Variants in SHISA9 observed in about 807,000 individuals in gnomAD.
SHISA9 encodes shisa family member 9.
In SHISA9, 13 loss-of-function variants were observed where a neutral mutation model predicts 38.0. That is an observed-to-expected ratio of 0.34 (90% CI 0.22 to 0.54). The LOEUF is 0.54. Ranked by LOEUF, SHISA9 falls within the 20% of genes least tolerant of loss-of-function variation. The pLI is 0.91. For missense variants in SHISA9, 538 were observed against 575.8 expected, an observed-to-expected ratio of 0.93 and a Z score of 0.67; for synonymous variants, 275 against 242.0, an observed-to-expected ratio of 1.14 and a Z score of -1.27.
chr16:13,158,073 T>C (rs1436823009), intron 2 of SHISA9, among the ~76,000 whole-genome samples: 1 of 152,192 alleles, frequency 6.6e-6, no homozygotes, highest in Non-Finnish European at 1.5e-5. Flanking sequence ...AACCGGAACC[T>C]TGGGGCCAGA....
intron 2 of SHISA9, among the ~76,000 whole-genome samples, chr16:12,975,002 C>A (rs181453045): frequency 6.6e-6 from 1 of 152,130 alleles, no homozygotes; most frequent in African/African-American, 2.4e-5. Context: ...TGTTAACCTA[C>A]ATGCACAATA....
intron 2 of SHISA9, among the ~76,000 whole-genome samples, chr16:13,067,147 G>T (rs1310163359): frequency 6.6e-6 from 1 of 152,210 alleles, no homozygotes; most frequent in East Asian, 1.9e-4. Flanking sequence ...ACCTTGAAGA[G>T]ACAGAGTGCA....
At chr16:13,381,984 G>T in the SHISA9 span, among the ~76,000 whole-genome samples, 4 of 152,088 alleles carry the variant, frequency 2.6e-5, no homozygotes, top group Non-Finnish European at 5.9e-5. Flanking sequence ...GTCAAAATTA[G>T]AAAAATATGA....
chr16:13,524,080 C>A, the SHISA9 span, among the ~76,000 whole-genome samples: 1 of 152,096 alleles, frequency 6.6e-6, no homozygotes, highest in African/African-American at 2.4e-5. Flanking sequence ...CCCCTCCCAC[C>A]CCAAATGATG....
chr16:13,412,359 GA>G, the SHISA9 span, among the ~76,000 whole-genome samples: 13 of 152,232 alleles, frequency 8.5e-5, no homozygotes, highest in Middle Eastern at 6.8e-3. Context: ...ACAGAGGAAG[GA>G]ATGCTAGTGC....
the SHISA9 span, among the ~76,000 whole-genome samples, chr16:13,448,400 G>A: frequency 8.5e-5 from 13 of 152,254 alleles, no homozygotes; most frequent in South Asian, 2.1e-4. Context: ...TGTGCCCTAC[G>A]CTATAATAAT....
At chr16:12,970,370 C>CACATATGT in intron 2 of SHISA9, among the ~76,000 whole-genome samples, 2 of 55,706 alleles carry the variant, frequency 3.6e-5, no homozygotes, top group South Asian at 1.0e-3. Flanking sequence ...TATATATATA[C>CACATATGT]ATATATATAT....
chr16:13,106,400 A>G (rs1192995715), intron 2 of SHISA9, among the ~76,000 whole-genome samples: 1 of 152,050 alleles, frequency 6.6e-6, no homozygotes, highest in Non-Finnish European at 1.5e-5. Flanking sequence ...GCTTTGGGTG[A>G]CTCAGTTAAA....
intron 2 of SHISA9, among the ~76,000 whole-genome samples, chr16:13,064,282 A>G (rs2073408806): frequency 1.3e-5 from 2 of 152,196 alleles, no homozygotes; most frequent in South Asian, 2.1e-4. Context: ...ACTATGTGCT[A>G]GGTACTTTTA....
the SHISA9 span, among the ~76,000 whole-genome samples, chr16:13,471,080 A>G: frequency 6.6e-6 from 1 of 152,118 alleles, no homozygotes; most frequent in Non-Finnish European, 1.5e-5. Flanking sequence ...AGAATGCATC[A>G]CAGAATTGTC....
the SHISA9 span, among the ~76,000 whole-genome samples, chr16:13,309,813 CAACA>C: frequency 6.6e-6 from 1 of 151,950 alleles, no homozygotes; most frequent in Non-Finnish European, 1.5e-5. Flanking sequence ...AAACCTAAAA[CAACA>C]AACAAACAAA....
the SHISA9 span, among the ~76,000 whole-genome samples, chr16:13,268,320 A>G: frequency 6.6e-6 from 1 of 152,130 alleles, no homozygotes; most frequent in Non-Finnish European, 1.5e-5. Flanking sequence ...CACCAGCCTG[A>G]CCAACATGGT....
chr16:12,987,696 C>G lies in SHISA9; in HGVS notation c.691+70881C>G, dbSNP rs574502649. Among the ~76,000 whole-genome samples, 5 of 152,216 alleles carry G rather than the reference C, an allele frequency of 3.3e-5. No individual in the cohort carries two copies. In the South Asian group the frequency reaches 1.0e-3, roughly 32 times the overall value. On this transcript the variant is annotated intron_variant, in intron 2 of 4. Transcript: ENST00000558583. Reference sequence around the variant, plus strand: ...GCTAACCACCATGGCACACGTTTACCTATAAAACAAACCTGCACGTTCTGC... The same window carrying G: ...GCTAACCACCATGGCACACGTTTACGTATAAAACAAACCTGCACGTTCTGC...
intron 2 of SHISA9, among the ~76,000 whole-genome samples, chr16:12,918,065 T>C (rs774546724): frequency 1.1e-4 from 16 of 152,276 alleles, no homozygotes; most frequent in Non-Finnish European, 2.2e-4. Flanking sequence ...TAGGATGTGT[T>C]AGGTTTAAAT....
the SHISA9 span, among the ~76,000 whole-genome samples, chr16:13,292,588 G>A: frequency 3.3e-5 from 5 of 152,066 alleles, no homozygotes; most frequent in South Asian, 8.3e-4. Flanking sequence ...ATGTAATCAA[G>A]CCCAAGTCCC....
At chr16:13,108,208 A>G (rs1316248373) in intron 2 of SHISA9, among the ~76,000 whole-genome samples, 3 of 151,834 alleles carry the variant, frequency 2.0e-5, no homozygotes, top group Admixed American at 2.0e-4. Context: ...GCCTCACTGA[A>G]GTCTTGACCT....
the SHISA9 span, among the ~76,000 whole-genome samples, chr16:13,415,050 T>C: frequency 6.6e-6 from 1 of 152,206 alleles, no homozygotes; most frequent in Non-Finnish European, 1.5e-5. Flanking sequence ...CAATTCGAAC[T>C]GTTGGATACA....
intron 2 of SHISA9, among the ~76,000 whole-genome samples, chr16:13,076,632 C>G (rs190147227): frequency 3.5e-4 from 53 of 152,252 alleles, no homozygotes; most frequent in African/African-American, 1.2e-3. Context: ...CTCTTCTAGC[C>G]CTTTTCCTAT....
intron 2 of SHISA9, among the ~76,000 whole-genome samples, chr16:13,025,397 T>G (rs866331812): frequency 2.0e-5 from 3 of 152,354 alleles, no homozygotes; most frequent in Middle Eastern, 3.4e-3. Flanking sequence ...GTGATTCCGA[T>G]GATGCTTAGG....
Sources: allele counts gnomAD v4.1 joint callset (sites outside exome capture counted in the v4.1 genomes callset), GRCh38; gene constraint gnomAD v4.1.1; transcripts MANE v1.5; gene names NCBI Gene and HGNC (gene_info 2026-07-23, HGNC 2026-07-21).